ACLY: variants seen among roughly 807,000 people sequenced by gnomAD.
ACLY encodes ATP-citrate synthase.
ACLY carries 41 observed loss-of-function variants against 133.0 expected under a neutral mutation model. That is an observed-to-expected ratio of 0.31 (90% CI 0.24 to 0.40). The LOEUF is 0.40. ACLY is among the 10% of genes least tolerant of loss of function. The pLI, the probability that ACLY is intolerant of heterozygous loss-of-function variation, is 1.00. For missense variants in ACLY, 1,046 were observed against 1,453.8 expected (o/e 0.72, Z 4.56); for synonymous variants, 495 against 549.3 (o/e 0.90, Z 1.38).
chr17:41,911,318 G>A (rs191641857), intron 3 of ACLY, among the ~76,000 whole-genome samples: 293 of 152,276 alleles, frequency 1.9e-3, no homozygotes, highest in African/African-American at 6.9e-3. Context: ...TCAGAGCCAC[G>A]TGCTCTACAG....
intron 20 of ACLY, among the ~76,000 whole-genome samples, chr17:41,882,785 T>G (rs997554692): frequency 6.6e-6 from 1 of 152,136 alleles, no homozygotes; most frequent in East Asian, 1.9e-4. Flanking sequence ...GGCCTCCCTT[T>G]CATCAGCAAA....
At chr17:41,885,300 G>T (rs1034231437) in intron 18 of ACLY, among the ~76,000 whole-genome samples, 5 of 152,116 alleles carry the variant, frequency 3.3e-5, no homozygotes, top group African/African-American at 1.2e-4. Flanking sequence ...GGATTCCCAG[G>T]CTACACCCCT....
In ACLY at chr17:41,898,832, G is replaced by C. The variant is rs1555630973; in HGVS notation, c.1184-47C>G. On this transcript the variant is annotated intron_variant, in intron 11 of 28. Transcript: ENST00000352035. ...ATCCATAATTCAAGTCTGCAGATAA[G>C]GGCCCAAGTCCATGTGACCCTGCAA... The C allele has an allele frequency of 3.2e-6, 5 of 1,581,112 alleles. No homozygotes were observed. In the South Asian group the frequency reaches 5.7e-5, roughly 18 times the overall value.
At chr17:41,897,862 T>C (rs782225074) in intron 12 of ACLY, 23 bp from the exon 13 acceptor site, 11 of 1,603,768 alleles carry the variant, frequency 6.9e-6, no homozygotes, top group Middle Eastern at 1.7e-4. Flanking sequence ...AAGGAGAGAG[T>C]GTAAGAGGTA....
intron 10 of ACLY, among the ~76,000 whole-genome samples, chr17:41,903,973 C>T (rs1430055998): frequency 3.3e-5 from 5 of 151,390 alleles, no homozygotes; most frequent in South Asian, 2.1e-4. Flanking sequence ...AAAAATTAGC[C>T]GGGCACGGTG....
chr17:41,881,164 T>G (rs1555627262), intron 20 of ACLY, among the ~76,000 whole-genome samples: 2 of 151,894 alleles, frequency 1.3e-5, no homozygotes, highest in African/African-American at 4.8e-5. Flanking sequence ...GTGCGGTAAC[T>G]CACGGCTGTA....
intron 25 of ACLY, among the ~76,000 whole-genome samples, chr17:41,871,168 T>C (rs2048587364): frequency 6.6e-6 from 1 of 152,202 alleles, no homozygotes; most frequent in South Asian, 2.1e-4. Flanking sequence ...ATTTCCATAC[T>C]GCAAGCGAAC....
At chr17:41,924,927 C>T (rs1555635832) in intron 1 of ACLY, among the ~76,000 whole-genome samples, 1 of 152,104 alleles carries the variant, frequency 6.6e-6, no homozygotes, top group African/African-American at 2.4e-5. Context: ...CTATAAAATT[C>T]CCTCCTCTTT....
At chr17:41,870,653 C>G (rs1555624860) in intron 25 of ACLY, 2 of 152,210 alleles carry the variant, frequency 1.3e-5, no homozygotes, top group African/African-American at 4.8e-5. Flanking sequence ...AATATAAGGA[C>G]ATAGAAATGA....
At chr17:41,880,728 T>C (rs1555627160) in intron 20 of ACLY, among the ~76,000 whole-genome samples, 1 of 151,726 alleles carries the variant, frequency 6.6e-6, no homozygotes, top group Non-Finnish European at 1.5e-5. Context: ...TAGCCGAGTG[T>C]GGTGGTGGGC....
At chr17:41,915,305 C>T (rs368179356) in intron 1 of ACLY, among the ~76,000 whole-genome samples, 11 of 152,282 alleles carry the variant, frequency 7.2e-5, no homozygotes, top group African/African-American at 2.2e-4. Flanking sequence ...TCACTCCTGA[C>T]TCCCCCAAAG....
chr17:41,901,756 T>C lies in ACLY; in HGVS notation c.1123A>G (p.Ile375Val), dbSNP rs188073019. The change falls in exon 11 of 29, where the codon ATC becomes GTC. Residue 375 changes from isoleucine (I) to valine (V), a missense_variant. Ile to Val is a conservative substitution (Grantham distance 29). Around this residue, in one of 4 missense-constraint regions of ACLY, gnomAD observed 575 missense variants for 804.2 expected, o/e 0.71. Transcript: ENST00000352035. Reference protein sequence around the residue: ...QGPLKEHEVTIFVRRGGPNYQ... With the variant: ...QGPLKEHEVTVFVRRGGPNYQ... The stretch of plus-strand genomic sequence containing the variant: ...TTGGGGCCACCTCTTCGGACAAAGA[T>C]TGTGACTTCGTGCTCCTTCAGGGGG... 102 of 1,608,270 alleles carry C rather than the reference T, an allele frequency of 6.3e-5. No individual in the cohort carries two copies. In the East Asian group the frequency reaches 1.2e-3, roughly 18 times the overall value.
chr17:41,888,490 C>T (rs2049113456), intron 16 of ACLY, among the ~76,000 whole-genome samples: 1 of 152,250 alleles, frequency 6.6e-6, no homozygotes, highest in South Asian at 2.1e-4. Flanking sequence ...GCTGCTTCTA[C>T]ACTCAGCCCA....
rs1555632258 is a variant in ACLY at position 41,904,723 on chromosome 17, T to C, written c.1065+6A>G. Reference sequence around the variant, plus strand: ...CCAGAAACTGCACCACTGTTGCAACTGTTACCTTGAACGTGGCAGCCACGT... The same window carrying C: ...CCAGAAACTGCACCACTGTTGCAACCGTTACCTTGAACGTGGCAGCCACGT... On this transcript the variant is annotated splice_donor_region_variant and intron_variant, in intron 10 of 28. Coordinates refer to ENST00000352035, the MANE Select transcript of ACLY (RefSeq NM_001096.3). 6.8e-6 allele frequency: 11 copies of C among 1,613,228 alleles called. No individual in the cohort carries two copies. The South Asian group carries it at 9.9e-5, about 14-fold the overall frequency.
intron 20 of ACLY, among the ~76,000 whole-genome samples, chr17:41,880,109 C>G (rs1190469546): frequency 6.6e-6 from 1 of 152,160 alleles, no homozygotes; most frequent in Non-Finnish European, 1.5e-5. Context: ...GGATGGGGTG[C>G]AGAGAGTAAT....
intron 7 of ACLY, 37 bp downstream of exon 7, chr17:41,907,405 C>A: frequency 6.3e-7 from 1 of 1,582,288 alleles, no homozygotes; most frequent in Non-Finnish European, 8.7e-7. Flanking sequence ...CCACCGCCCT[C>A]CCCCCAGTCC....
rs782127746 is a variant in ACLY at position 41,912,476 on chromosome 17, G to A, written c.226C>T (p.Leu76Phe). Residue 76 changes from leucine to phenylalanine, a missense_variant, in exon 3 of 29, where the codon CTC becomes TTC. Coordinates refer to ENST00000352035, the MANE Select transcript of ACLY (RefSeq NM_001096.3). ...CAGGACTTGACCCCATCCAGAGTGA[G>A]GTTGACCCCAACGAGACCAAGTTTT... ...RGKLGLVGVN[L>F]TLDGVKSWLK... 1 of 1,614,124 alleles carries A rather than the reference G, an allele frequency of 6.2e-7. No homozygotes were observed. Among genetic ancestry groups the A allele is most frequent in the Non-Finnish European group, 8.5e-7 (1 of 1,180,050 alleles).
intron 16 of ACLY, among the ~76,000 whole-genome samples, chr17:41,891,651 G>A (rs1555629293): frequency 6.6e-6 from 1 of 151,688 alleles, no homozygotes; most frequent in Non-Finnish European, 1.5e-5. Context: ...CCAAAGTGCT[G>A]GAATAACAGG....
intron 20 of ACLY, among the ~76,000 whole-genome samples, chr17:41,881,006 T>G (rs1213759816): frequency 4.7e-4 from 52 of 110,610 alleles, no homozygotes; most frequent in African/African-American, 7.2e-4. Flanking sequence ...GGAGGTGGGG[T>G]GGAAAGGGGG....
Sources: gnomAD v4.1 joint callset for allele counts (sites outside exome capture counted in the v4.1 genomes callset) on GRCh38, gnomAD v4.1.1 for gene constraint, gnomAD v4.1.1 regional missense constraint, MANE v1.5 for transcripts, NCBI Gene and HGNC (gene_info 2026-07-23, HGNC 2026-07-21) for gene names.